Variants in NALCN observed in about 807,000 individuals in gnomAD.
The protein encoded by NALCN is sodium leak channel NALCN.
Under a neutral mutation model 225.3 loss-of-function variants are expected in NALCN, and 111 were observed. The ratio of observed to expected loss-of-function variants is 0.49; its 90% CI spans 0.42 to 0.58. NALCN has a LOEUF of 0.58. NALCN is among the 20% of genes least tolerant of loss of function. NALCN has a pLI of 0.00. For synonymous variants in NALCN, 764 were observed against 769.0 expected (o/e 0.99, Z 0.11); for missense variants, 1,378 against 2,202.4 (o/e 0.63, Z 7.49).
At chr13:101,071,164 GAC>G (rs776957179) in intron 37 of NALCN, among the ~76,000 whole-genome samples, 2 of 152,306 alleles carry the variant, frequency 1.3e-5, no homozygotes, top group East Asian at 1.9e-4. Flanking sequence ...TTTGGGTGGG[GAC>G]ACAGTCAAAC....
intron 15 of NALCN, among the ~76,000 whole-genome samples, chr13:101,146,563 T>A (rs2037354650): frequency 6.6e-6 from 1 of 152,170 alleles, no homozygotes. Flanking sequence ...AAAATACTTG[T>A]CAGTGGTAAA....
Position 101,057,611 on chromosome 13 carries a change from T to C in NALCN, c.5023+328A>G, listed in dbSNP as rs1044558823. 5 of 318,820 alleles carry C rather than the reference T, an allele frequency of 1.6e-5. No homozygotes were observed. In the East Asian group the frequency reaches 2.8e-4, roughly 18 times the overall value. The allele number at this position is 318,820 out of a possible 1,614,324, so 19.7% of individuals were successfully genotyped here. On this transcript the variant is annotated intron_variant, in intron 43 of 43. Transcript: ENST00000251127. ...CCACTCCCTCTTCAGTTGAATACTT[T>C]TGCCCATGTTTGAGCATGCCTTGAG...
intron 10 of NALCN, among the ~76,000 whole-genome samples, chr13:101,267,839 C>T (rs1308868077): frequency 1.3e-5 from 2 of 152,152 alleles, no homozygotes; most frequent in Non-Finnish European, 1.5e-5. Flanking sequence ...AGTGTCTGTC[C>T]AGGCCATTAA....
At position 101,248,022 on chromosome 13, in the gene NALCN, T is replaced by G. The variant is rs2041951797; in HGVS notation, c.1267-10100A>C. On this transcript the variant is annotated intron_variant, in intron 11 of 43. Transcript: ENST00000251127. ...CGTTCCTTTTTATCGCTGCCTAGTA[T>G]TCCATAGTGTATACGTACCACATTT... Among the ~76,000 whole-genome samples the G allele has an allele frequency of 2.0e-5, 3 of 152,208 alleles. No homozygotes were observed. In the South Asian group the frequency reaches 6.2e-4, roughly 32 times the overall value.
In NALCN at chr13:101,279,773, C is replaced by G. The variant is rs2043091324; in HGVS notation, c.1134+4160G>C. ...CGGAGCTTGCAGTGAGCCGAGATCC[C>G]GCCACTGCACTCCAGCCTGGGCGAC... is the stretch of plus-strand genomic sequence containing the variant. On this transcript the variant is annotated intron_variant, in intron 10 of 43. Transcript: ENST00000251127. Among the ~76,000 whole-genome samples, 6 of 149,042 alleles carry G rather than the reference C, an allele frequency of 4.0e-5. No homozygotes were observed. The South Asian group carries it at 1.3e-3, about 32-fold the overall frequency.
At chr13:101,399,272 C>T in intron 1 of NALCN, 107 bp from the exon 2 acceptor site, 3 of 640,394 alleles carry the variant, frequency 4.7e-6, no homozygotes, top group Non-Finnish European at 5.3e-6. Context: ...ATGTGTTCTA[C>T]TCCATAGTGT....
rs1449239493 is a variant in NALCN at position 101,063,507 on chromosome 13, C to A, written c.4605-1389G>T. ...GCTGAATATTAATTATTAATGACAA[C>A]AGTATGCCTATCTGCCTCATGTCAA... On this transcript the variant is annotated intron_variant, in intron 40 of 43. Coordinates refer to ENST00000251127, the MANE Select transcript of NALCN (RefSeq NM_052867.4). Among the ~76,000 whole-genome samples, 3 of 152,202 alleles carry A rather than the reference C, an allele frequency of 2.0e-5. No homozygotes were observed. In the East Asian group the frequency reaches 5.8e-4, roughly 29 times the overall value.
intron 13 of NALCN, among the ~76,000 whole-genome samples, chr13:101,220,734 A>G (rs376597769): frequency 7.2e-5 from 11 of 152,296 alleles, no homozygotes; most frequent in Admixed American, 5.2e-4. Context: ...GATTACTATT[A>G]TAGCTGGAAA....
chr13:101,360,227 TCTC>T (rs1341585226), intron 6 of NALCN, among the ~76,000 whole-genome samples: 1 of 133,004 alleles, frequency 7.5e-6, no homozygotes, highest in African/African-American at 3.0e-5. Context: ...TCTCTCTCTC[TCTC>T]CTTCCTTCCT....
intron 6 of NALCN, among the ~76,000 whole-genome samples, chr13:101,360,189 C>CTCTCTCTCTCTCTCT (rs2046204054): frequency 1.1e-5 from 1 of 89,242 alleles, no homozygotes; most frequent in Non-Finnish European, 2.3e-5. Context: ...TTCCTCTCTT[C>CTCTCTCTCTCTCTCT]CTCTCTCTCT....
At chr13:101,381,548 G>A (rs1426360556) in intron 3 of NALCN, among the ~76,000 whole-genome samples, 1 of 151,972 alleles carries the variant, frequency 6.6e-6, no homozygotes, top group Non-Finnish European at 1.5e-5. Flanking sequence ...TAATACCCAA[G>A]AAGGTAATAG....
intron 14 of NALCN, among the ~76,000 whole-genome samples, chr13:101,189,408 C>G (rs9513865): frequency 0.64 from 96,710 of 151,980 alleles, 31,363 homozygotes; most frequent in East Asian, 0.96. Flanking sequence ...AATGCACAAA[C>G]CGTCTTATCT....
intron 27 of NALCN, among the ~76,000 whole-genome samples, chr13:101,099,707 C>T (rs1382989129): frequency 6.6e-6 from 1 of 151,948 alleles, no homozygotes; most frequent in Non-Finnish European, 1.5e-5. Context: ...TAAATTCCAG[C>T]CCCCCTTGCA....
At chr13:101,345,680 A>T (rs1447852551) in intron 6 of NALCN, among the ~76,000 whole-genome samples, 2 of 89,644 alleles carry the variant, frequency 2.2e-5, no homozygotes, top group Admixed American at 1.2e-4. Context: ...TGCTCTTTCT[A>T]TCTATCTATC....
intron 7 of NALCN, among the ~76,000 whole-genome samples, chr13:101,293,206 T>A (rs1465925920): frequency 4.6e-5 from 7 of 152,194 alleles, no homozygotes; most frequent in African/African-American, 1.7e-4. Context: ...CACATCCAAC[T>A]GTGATGATAT....
intron 6 of NALCN, among the ~76,000 whole-genome samples, chr13:101,367,658 A>T (rs1362948832): frequency 6.6e-6 from 1 of 152,216 alleles, no homozygotes; most frequent in African/African-American, 2.4e-5. Flanking sequence ...ATTGAAACAA[A>T]ACTATATAAA....
chr13:101,266,989 C>G (rs2042617255), intron 10 of NALCN, among the ~76,000 whole-genome samples: 1 of 152,156 alleles, frequency 6.6e-6, no homozygotes. Context: ...CTGTCTGTTC[C>G]TGATGCGTCC....
chr13:101,211,277 A>G (rs2040512680), intron 13 of NALCN, among the ~76,000 whole-genome samples: 1 of 152,172 alleles, frequency 6.6e-6, no homozygotes, highest in Non-Finnish European at 1.5e-5. Context: ...AAATAAGATG[A>G]TTGGTGAAAA....
rs753918617 is a variant in NALCN at position 101,143,174 on chromosome 13, C to G, written c.2024G>C (p.Cys675Ser). 1.2e-6 allele frequency: 2 copies of G among 1,613,870 alleles called. No homozygotes were observed. Among genetic ancestry groups the G allele is most frequent in the South Asian group, 2.2e-5 (2 of 90,974 alleles). The change falls in exon 17 of 44, where the codon TGT (cysteine) becomes TCT (serine). Residue 675 changes from cysteine to serine, a missense_variant. Cys to Ser is a moderately radical substitution (Grantham distance 112, BLOSUM62 -1). This residue lies in a region of NALCN where 100 missense variants were observed against 89.4 expected (regional missense o/e 1.12). Transcript: ENST00000251127. ...QFIDRQQQDT[C>S]CLLRSLPTTS... The stretch of plus-strand genomic sequence containing the variant: ...GGTCGGGAGGCTTCTCAGGAGGCAA[C>G]ATGTGTCCTGTTGCTGGCGGTCAAT...
Sources: gnomAD v4.1 joint callset for allele counts (sites outside exome capture counted in the v4.1 genomes callset) on GRCh38, gnomAD v4.1.1 for gene constraint, gnomAD v4.1.1 regional missense constraint, MANE v1.5 for transcripts, NCBI Gene and HGNC (gene_info 2026-07-23, HGNC 2026-07-21) for gene names.